Variants in KCNE1 observed in about 807,000 individuals in gnomAD.
KCNE1 encodes potassium voltage-gated channel subfamily E regulatory subunit 1, also known as potassium voltage-gated channel subfamily E member 1.
A neutral mutation model predicts 2.9 loss-of-function variants in KCNE1; 1 was observed. The observed-to-expected ratio is 0.34, with a 90% CI of 0.12 to 1.62. The LOEUF (loss-of-function observed/expected upper bound fraction) is 1.62. Ranked by LOEUF, KCNE1 falls within the 40% of genes most tolerant of loss-of-function variation. The pLI is 0.36. For synonymous variants in KCNE1, 23 were observed against 65.4 expected (o/e 0.35, Z 3.13); for missense variants, 45 against 150.5 (o/e 0.30, Z 3.67).
chr21:34,507,234 GA>G (rs1482782128), intron 2 of KCNE1, among the ~76,000 whole-genome samples: 1 of 152,178 alleles, frequency 6.6e-6, no homozygotes, highest in African/African-American at 2.4e-5. Flanking sequence ...GGTGGAGTAT[GA>G]GAGTATTTCC....
intron 2 of KCNE1, among the ~76,000 whole-genome samples, chr21:34,506,298 GT>G (rs1449012674): frequency 6.6e-6 from 1 of 152,180 alleles, no homozygotes; most frequent in Non-Finnish European, 1.5e-5. Context: ...TCACTCCGTG[GT>G]TTCTTGCTTC....
At chr21:34,510,458 G>A (rs1205974997) in intron 2 of KCNE1, 1 of 152,344 alleles carries the variant, frequency 6.6e-6, no homozygotes, top group Non-Finnish European at 1.5e-5. Context: ...GACATGGTGG[G>A]TGCACACTTG....
chr21:34,497,189 G>A (rs186407061), intron 2 of KCNE1, among the ~76,000 whole-genome samples: 2 of 152,232 alleles, frequency 1.3e-5, no homozygotes, highest in East Asian at 3.9e-4. Context: ...GTGAGGTACT[G>A]TTCTATTCAT....
intron 2 of KCNE1, among the ~76,000 whole-genome samples, chr21:34,499,131 A>G (rs1982997116): frequency 6.6e-6 from 1 of 152,176 alleles, no homozygotes; most frequent in Non-Finnish European, 1.5e-5. Flanking sequence ...TCCAAGGGGT[A>G]TTATGGCTGC....
At chr21:34,505,199 T>C (rs1568864137) in intron 2 of KCNE1, among the ~76,000 whole-genome samples, 1 of 152,170 alleles carries the variant, frequency 6.6e-6, no homozygotes, top group African/African-American at 2.4e-5. Flanking sequence ...AATGGCGTGA[T>C]CTCGGCTCAC....
intron 2 of KCNE1, among the ~76,000 whole-genome samples, chr21:34,506,340 C>G (rs1983485855): frequency 6.6e-6 from 1 of 152,206 alleles, no homozygotes; most frequent in Admixed American, 6.5e-5. Context: ...ATAGATCAGG[C>G]AGCTCACAAT....
intron 2 of KCNE1, among the ~76,000 whole-genome samples, chr21:34,508,432 T>G (rs935646723): frequency 2.0e-5 from 3 of 152,258 alleles, no homozygotes. Flanking sequence ...AAACTCCACC[T>G]CCTGGATTCA....
intron 2 of KCNE1, among the ~76,000 whole-genome samples, chr21:34,498,117 C>T (rs771213729): frequency 4.6e-5 from 7 of 152,018 alleles, no homozygotes; most frequent in Non-Finnish European, 1.0e-4. Flanking sequence ...TCTTTAAGTT[C>T]ATTTTCACCT....
At chr21:34,505,982 T>A (rs1304196836) in intron 2 of KCNE1, among the ~76,000 whole-genome samples, 1 of 152,266 alleles carries the variant, frequency 6.6e-6, no homozygotes, top group Non-Finnish European at 1.5e-5. Flanking sequence ...ACAGTATTTT[T>A]AAAATAGAAC....
intron 2 of KCNE1, among the ~76,000 whole-genome samples, chr21:34,497,646 A>C (rs901411744): frequency 6.6e-6 from 1 of 152,124 alleles, no homozygotes; most frequent in Non-Finnish European, 1.5e-5. Context: ...AGATAATCTG[A>C]TGACTACATG....
Position 34,511,265 on chromosome 21 carries a change from C to A in KCNE1, c.-326G>T. ...TCTCCTGGTTGAGCTCCAGGCCATG[C>A]CATTCAACGCCCTCCAGGACAGGCC... On this transcript the variant is annotated 5_prime_UTR_variant, in exon 2 of 4. Transcript: ENST00000399286. The A allele has an allele frequency of 1.0e-6, 1 of 985,506 alleles. No individual in the cohort carries two copies. The highest frequency in any genetic ancestry group is 1.2e-6 in the Non-Finnish European group (1 of 829,998). The allele number at this position is 985,506 out of a possible 1,614,324, so 61.0% of individuals were successfully genotyped here.
chr21:34,499,278 T>A (rs1299756066), intron 2 of KCNE1, among the ~76,000 whole-genome samples: 1 of 152,238 alleles, frequency 6.6e-6, no homozygotes, highest in Non-Finnish European at 1.5e-5. Context: ...GGGCAGCTTA[T>A]GCTCTGGACT....
At chr21:34,510,104 A>C (rs1448038370) in intron 2 of KCNE1, 1 of 152,220 alleles carries the variant, frequency 6.6e-6, no homozygotes, top group Non-Finnish European at 1.5e-5. Context: ...TCCTGCCCAC[A>C]CTCAAGGGGA....
intron 2 of KCNE1, among the ~76,000 whole-genome samples, chr21:34,499,728 A>AGGCAG (rs897455409): frequency 6.6e-6 from 1 of 152,162 alleles, no homozygotes; most frequent in African/African-American, 2.4e-5. Flanking sequence ...ATGTGCTTGG[A>AGGCAG]GGCAGGTTTT....
At chr21:34,506,570 G>A (rs1452349473) in intron 2 of KCNE1, among the ~76,000 whole-genome samples, 1 of 152,190 alleles carries the variant, frequency 6.6e-6, no homozygotes, top group Non-Finnish European at 1.5e-5. Context: ...GCCAGGCTTA[G>A]CACTGCCAGG....
chr21:34,498,011 T>G (rs1982918432), intron 2 of KCNE1, among the ~76,000 whole-genome samples: 1 of 152,226 alleles, frequency 6.6e-6, no homozygotes, highest in African/African-American at 2.4e-5. Flanking sequence ...TTTCTCTAAG[T>G]GTGTCTTCCA....
At chr21:34,504,327 TGA>T (rs1983346752) in intron 2 of KCNE1, among the ~76,000 whole-genome samples, 1 of 152,190 alleles carries the variant, frequency 6.6e-6, no homozygotes, top group Non-Finnish European at 1.5e-5. Context: ...AAAAGATCCT[TGA>T]CATCTCTAGT....
rs111638856 is a variant in KCNE1, at chr21:34,496,074, T to G, written c.-162+15027A>C. Among the ~76,000 whole-genome samples, 389 of 150,818 alleles carry G rather than the reference T, an allele frequency of 2.6e-3. 2 individuals are homozygous for G. The highest frequency in any genetic ancestry group is 9.1e-3 in the African/African-American group (372 of 40,694). ...CTGTATCCCAGAGGTTCAGCTCAAA[T>G]ACTTTTTTTTTTCTTTTTTAGATGG... On this transcript the variant is annotated intron_variant, in intron 2 of 3. Transcript: ENST00000399286.
intron 2 of KCNE1, among the ~76,000 whole-genome samples, chr21:34,506,913 A>G (rs930642390): frequency 9.9e-5 from 15 of 152,278 alleles, no homozygotes; most frequent in Non-Finnish European, 4.4e-5. Flanking sequence ...CTGAAGAATG[A>G]TTTGAAGCTG....
Sources: allele counts gnomAD v4.1 joint callset (sites outside exome capture counted in the v4.1 genomes callset), GRCh38; gene constraint gnomAD v4.1.1; transcripts MANE v1.5; gene names NCBI Gene and HGNC (gene_info 2026-07-23, HGNC 2026-07-21).